The following KIAA0825 variants were observed in gnomAD, a reference collection of about 807,000 sequenced individuals.
The protein encoded by KIAA0825 is uncharacterized protein KIAA0825.
A neutral mutation model predicts 147.6 loss-of-function variants in KIAA0825; 119 were observed. The observed-to-expected ratio is 0.81, with a 90% CI of 0.69 to 0.94. The LOEUF is 0.94. Among genes scored for constraint, KIAA0825 ranks in the 40% least tolerant of loss-of-function variants. The pLI, the probability that KIAA0825 is intolerant of heterozygous loss-of-function variation, is 0.00. For missense variants in KIAA0825, 1,381 were observed against 1,472.7 expected (o/e 0.94, Z 1.02); for synonymous variants, 470 against 518.1 (o/e 0.91, Z 1.26).
At chr5:94,262,802 A>G (rs928628231) in intron 20 of KIAA0825, among the ~76,000 whole-genome samples, 1 of 151,986 alleles carries the variant, frequency 6.6e-6, no homozygotes, top group Non-Finnish European at 1.5e-5. Context: ...GGGCTTTCTA[A>G]GTGAGGGTAA....
intron 20 of KIAA0825, among the ~76,000 whole-genome samples, chr5:94,378,712 C>T (rs887050675): frequency 6.6e-6 from 1 of 152,248 alleles, no homozygotes; most frequent in African/African-American, 2.4e-5. Context: ...AACTAATTTA[C>T]ATGCCCACCA....
intron 20 of KIAA0825, among the ~76,000 whole-genome samples, chr5:94,212,205 T>A (rs1475777218): frequency 6.6e-6 from 1 of 152,224 alleles, no homozygotes; most frequent in Non-Finnish European, 1.5e-5. Flanking sequence ...AAACGCAAAG[T>A]AATCTTGTGT....
At chr5:94,327,382 C>A (rs29951) in intron 20 of KIAA0825, among the ~76,000 whole-genome samples, 1 of 150,600 alleles carries the variant, frequency 6.6e-6, no homozygotes, top group Non-Finnish European at 1.5e-5. Context: ...AGATTTTATT[C>A]TTATTCTATA....
intron 14 of KIAA0825, among the ~76,000 whole-genome samples, chr5:94,437,771 T>A (rs1298618191): frequency 6.6e-6 from 1 of 152,202 alleles, no homozygotes; most frequent in Non-Finnish European, 1.5e-5. Flanking sequence ...TATAGGACCA[T>A]GCCTGTGGGT....
In KIAA0825 at chr5:94,406,673, G is replaced by T. The variant is rs528299347; in HGVS notation, c.2663-2880C>A. On this transcript the variant is annotated intron_variant, in intron 15 of 20. Transcript: ENST00000682413. ...AAGGAGAATTTATTCAAGAAAATCA[G>T]CTGAATCTTGGTAAAAACAGTGAGC... Among the ~76,000 whole-genome samples, 16 of 152,314 alleles carry T rather than the reference G, an allele frequency of 1.1e-4. No individual in the cohort carries two copies. In the South Asian group the frequency reaches 1.5e-3, roughly 14 times the overall value.
intron 1 of KIAA0825, chr5:94,618,007 G>C (rs1791041687): frequency 6.6e-6 from 1 of 152,198 alleles, no homozygotes. Context: ...CAAATGGCGG[G>C]AGGAACCTTC....
chr5:94,608,035 A>C (rs539764514), intron 1 of KIAA0825, among the ~76,000 whole-genome samples: 253 of 152,184 alleles, frequency 1.7e-3, no homozygotes, highest in Non-Finnish European at 2.0e-3. Flanking sequence ...TATTAAGGTA[A>C]ACTGATTGGC....
intron 20 of KIAA0825, among the ~76,000 whole-genome samples, chr5:94,292,912 G>T (rs1327269639): frequency 2.0e-5 from 3 of 152,108 alleles, no homozygotes; most frequent in Non-Finnish European, 2.9e-5. Context: ...GGTGTTTATA[G>T]TATTCTCTGG....
At chr5:94,459,290 G>A (rs976987167) in intron 12 of KIAA0825, among the ~76,000 whole-genome samples, 6 of 151,992 alleles carry the variant, frequency 3.9e-5, no homozygotes, top group African/African-American at 1.4e-4. Flanking sequence ...ATTTTTGTAT[G>A]GACATAACAT....
intron 12 of KIAA0825, among the ~76,000 whole-genome samples, chr5:94,461,982 CT>C (rs1401808497): frequency 6.6e-6 from 1 of 151,854 alleles, no homozygotes; most frequent in African/African-American, 2.4e-5. Context: ...ATTATTATTT[CT>C]ATTTCCATTT....
chr5:94,237,053 G>A (rs1775082628), intron 20 of KIAA0825, among the ~76,000 whole-genome samples: 1 of 151,448 alleles, frequency 6.6e-6, no homozygotes, highest in South Asian at 2.1e-4. Context: ...ATGTGTGTGT[G>A]TGTGTGTGTG....
At chr5:94,418,464 A>C (rs1753754827) in intron 14 of KIAA0825, among the ~76,000 whole-genome samples, 13 of 148,806 alleles carry the variant, frequency 8.7e-5, no homozygotes, top group African/African-American at 1.2e-4. Flanking sequence ...CATCCTCCCA[A>C]CCCTCCCCCA....
chr5:94,586,094 T>C (rs1783230194), intron 1 of KIAA0825, among the ~76,000 whole-genome samples: 1 of 152,006 alleles, frequency 6.6e-6, no homozygotes, highest in Non-Finnish European at 1.5e-5. Flanking sequence ...GCAGAAAAGA[T>C]CTAAAATTGA....
At chr5:94,288,366 GA>G (rs887773273) in intron 20 of KIAA0825, among the ~76,000 whole-genome samples, 17 of 151,770 alleles carry the variant, frequency 1.1e-4, no homozygotes, top group Admixed American at 5.3e-4. Flanking sequence ...CATTTTTAAG[GA>G]AAAAAAATTA....
rs146875398 is a variant in KIAA0825, at chr5:94,335,815, A to T, written c.3710+48553T>A. Among the ~76,000 whole-genome samples, 417 of 152,314 alleles carry T rather than the reference A, an allele frequency of 2.7e-3. 1 individual carries two copies. Among genetic ancestry groups the T allele is most frequent in the African/African-American group, 9.4e-3 (390 of 41,584 alleles). On this transcript the variant is annotated intron_variant, in intron 20 of 20. Transcript: ENST00000682413. ...TTTTAGATAACTAAGAATTTTTATC[A>T]GGAAGTGTATTAATATTATTGAGTC...
At chr5:94,170,410 A>C (rs774336920) in intron 20 of KIAA0825, among the ~76,000 whole-genome samples, 46 of 152,348 alleles carry the variant, frequency 3.0e-4, no homozygotes, top group Non-Finnish European at 5.1e-4. Context: ...CAGTGGTGGC[A>C]GATTAGGAAT....
In KIAA0825 at chr5:94,614,928, G is replaced by A. The variant is rs556997285; in HGVS notation, c.-153+3572C>T. ...AAAAAGAATCAATATTTATTTATCA[G>A]CAATTGTGTATCAGACAACACGTTT... On this transcript the variant is annotated intron_variant, in intron 1 of 20. Transcript: ENST00000682413. Among the ~76,000 whole-genome samples the A allele has an allele frequency of 3.3e-5, 5 of 152,054 alleles. No homozygotes were observed. The South Asian group carries it at 1.0e-3, about 31-fold the overall frequency.
Position 94,273,845 on chromosome 5 carries a change from G to C in KIAA0825, c.3710+110523C>G, listed in dbSNP as rs190203116. Among the ~76,000 whole-genome samples the C allele has an allele frequency of 5.3e-5, 8 of 152,176 alleles. No homozygotes were observed. In the East Asian group the frequency reaches 1.5e-3, roughly 29 times the overall value. ...AGTTGTCAACCTTATCAATATTACT[G>C]TGTCTGTGGAAAATGAGAGTTAAAA... is the stretch of plus-strand genomic sequence containing the variant. On this transcript the variant is annotated intron_variant, in intron 20 of 20. Transcript: ENST00000682413.
Position 94,520,658 on chromosome 5 carries a change from T to G in KIAA0825, c.560A>C (p.Gln187Pro). The change falls in exon 5 of 21, where the codon CAA becomes CCA. Residue 187 changes from glutamine to proline, a missense_variant. Coordinates refer to ENST00000682413, the MANE Select transcript of KIAA0825 (RefSeq NM_001145678.3). ...QSHNEINNSQ[Q>P]KILLKKQCLQ... ...GCACTGCTTTTTCAATAAAATTTTT[T>G]GCTGTGAATTGTTTATTTCATTATG... 1 of 1,613,416 alleles carries G rather than the reference T, an allele frequency of 6.2e-7. No individual in the cohort carries two copies. The highest frequency in any genetic ancestry group is 8.5e-7 in the Non-Finnish European group (1 of 1,179,498).
Sources: gnomAD v4.1 joint callset for allele counts (sites outside exome capture counted in the v4.1 genomes callset) on GRCh38, gnomAD v4.1.1 for gene constraint, MANE v1.5 for transcripts, NCBI Gene and HGNC (gene_info 2026-07-23, HGNC 2026-07-21) for gene names.